SRBD1: variants seen among roughly 807,000 people sequenced by gnomAD.
The protein encoded by SRBD1 is S1 RNA-binding domain-containing protein 1.
SRBD1 carries 88 observed loss-of-function variants against 115.3 expected under a neutral mutation model. The ratio of observed to expected loss-of-function variants is 0.76; its 90% CI spans 0.64 to 0.91. The LOEUF is 0.91. Ranked by LOEUF, SRBD1 falls within the 40% of genes least tolerant of loss-of-function variation. SRBD1 has a pLI of 0.00. For synonymous variants in SRBD1, 509 were observed against 407.7 expected (o/e 1.25, Z -2.99); for missense variants, 1,385 against 1,177.4 (o/e 1.18, Z -2.58).
intron 17 of SRBD1, 98 bp from the exon 18 acceptor site, chr2:45,418,639 C>T: frequency 7.9e-6 from 8 of 1,016,924 alleles, no homozygotes; most frequent in Non-Finnish European, 1.1e-5. Flanking sequence ...ATGACATATC[C>T]TCATACGGCT....
At chr2:45,511,692 C>A (rs776665211) in intron 14 of SRBD1, among the ~76,000 whole-genome samples, 8 of 152,112 alleles carry the variant, frequency 5.3e-5, no homozygotes, top group Non-Finnish European at 1.2e-4. Context: ...TATTCCCATG[C>A]ATATATTCCT....
intron 2 of SRBD1, among the ~76,000 whole-genome samples, chr2:45,602,996 C>CA (rs961031654): frequency 6.6e-6 from 1 of 151,936 alleles, no homozygotes; most frequent in African/African-American, 2.4e-5. Flanking sequence ...AACAATCAAA[C>CA]AAAAAACAGG....
intron 7 of SRBD1, among the ~76,000 whole-genome samples, chr2:45,578,640 C>A (rs1673250448): frequency 6.6e-6 from 1 of 152,074 alleles, no homozygotes; most frequent in East Asian, 1.9e-4. Context: ...CTGCCCCCTA[C>A]AGACATTTAC....
At chr2:45,556,258 A>C (rs977802588) in intron 10 of SRBD1, among the ~76,000 whole-genome samples, 1 of 152,086 alleles carries the variant, frequency 6.6e-6, no homozygotes, top group Non-Finnish European at 1.5e-5. Flanking sequence ...TACTCCATTG[A>C]AAAAAGGCAT....
At chr2:45,610,740 A>G (rs1674420035) in intron 1 of SRBD1, among the ~76,000 whole-genome samples, 1 of 152,074 alleles carries the variant, frequency 6.6e-6, no homozygotes, top group South Asian at 2.1e-4. Flanking sequence ...TTCCTCTCCC[A>G]CCTCCGATAA....
At chr2:45,392,727 T>C (rs765411037) in intron 20 of SRBD1, among the ~76,000 whole-genome samples, 5 of 152,218 alleles carry the variant, frequency 3.3e-5, no homozygotes, top group Non-Finnish European at 5.9e-5. Context: ...AAATACACAG[T>C]GAACAAGGGG....
chr2:45,604,751 C>T (rs944669831), intron 2 of SRBD1, among the ~76,000 whole-genome samples: 2 of 152,156 alleles, frequency 1.3e-5, no homozygotes, highest in African/African-American at 4.8e-5. Flanking sequence ...AAATGCCCCC[C>T]GACTGCAACC....
intron 10 of SRBD1, among the ~76,000 whole-genome samples, chr2:45,554,372 G>A (rs940407152): frequency 3.3e-5 from 5 of 152,210 alleles, no homozygotes; most frequent in African/African-American, 4.8e-5. Flanking sequence ...CACATAGTCT[G>A]TGGTATTTTG....
chr2:45,531,281 T>A (rs1284684240), intron 14 of SRBD1, among the ~76,000 whole-genome samples: 1 of 151,718 alleles, frequency 6.6e-6, no homozygotes, highest in African/African-American at 2.4e-5. Context: ...CGTATATAAA[T>A]AAAAAGATAA....
chr2:45,586,999 T>A (rs373552832), intron 4 of SRBD1, among the ~76,000 whole-genome samples: 5 of 61,742 alleles, frequency 8.1e-5, no homozygotes, highest in African/African-American at 1.6e-4. Flanking sequence ...TTTTAAATAT[T>A]TAATTATTTT....
intron 14 of SRBD1, among the ~76,000 whole-genome samples, chr2:45,540,271 G>T (rs866228632): frequency 2.0e-5 from 3 of 151,864 alleles, no homozygotes; most frequent in Non-Finnish European, 4.4e-5. Context: ...AACCCAGGAG[G>T]CAGAGGCTGC....
At chr2:45,543,450 T>G (rs1030477788) in intron 14 of SRBD1, among the ~76,000 whole-genome samples, 2 of 152,128 alleles carry the variant, frequency 1.3e-5, no homozygotes, top group Non-Finnish European at 2.9e-5. Context: ...AAGGAACAGA[T>G]AAGAGGAAAT....
At chr2:45,531,914 A>C (rs573011917) in intron 14 of SRBD1, among the ~76,000 whole-genome samples, 1 of 151,962 alleles carries the variant, frequency 6.6e-6, no homozygotes, top group Admixed American at 6.6e-5. Context: ...TCTGAATAAG[A>C]TACTGACACT....
At position 45,418,461 on chromosome 2, in the gene SRBD1, T is replaced by A. The variant is rs752172941; in HGVS notation, c.2237A>T (p.Glu746Val). The change falls in exon 18 of 21, where the codon GAA becomes GTA. Residue 746 changes from glutamate to valine, a missense_variant. By Grantham distance (121) the Glu-to-Val change is moderately radical (BLOSUM62 -2). Transcript: ENST00000263736. ...REKNGPFINR[E>V]QLKKVKGLGP... is the part of the protein sequence containing the mutation. Reference sequence around the variant, plus strand: ...CAGCCCTTTCACTTTCTTCAGCTGTTCTCGGTTGATAAAGGGTCCATTTTT... The same window carrying A: ...CAGCCCTTTCACTTTCTTCAGCTGTACTCGGTTGATAAAGGGTCCATTTTT... The A allele has an allele frequency of 2.5e-6, 4 of 1,613,936 alleles. No homozygotes were observed. The highest frequency in any genetic ancestry group is 3.4e-6 in the Non-Finnish European group (4 of 1,179,996).
intron 4 of SRBD1, among the ~76,000 whole-genome samples, chr2:45,597,570 C>T (rs996678667): frequency 3.9e-5 from 6 of 152,106 alleles, no homozygotes; most frequent in African/African-American, 1.2e-4. Flanking sequence ...AAAATAATAA[C>T]TCAAACAGAG....
At chr2:45,519,627 G>C (rs1671221076) in intron 14 of SRBD1, among the ~76,000 whole-genome samples, 1 of 152,058 alleles carries the variant, frequency 6.6e-6, no homozygotes, top group African/African-American at 2.4e-5. Flanking sequence ...TGCAGTGTTT[G>C]GTGGTTCAAA....
chr2:45,573,862 A>C (rs1673095239), intron 8 of SRBD1, among the ~76,000 whole-genome samples: 2 of 152,198 alleles, frequency 1.3e-5, no homozygotes, highest in South Asian at 4.1e-4. Flanking sequence ...CACTGAGAAA[A>C]TACAAAAGTT....
chr2:45,585,043 G>A (rs566754145), intron 5 of SRBD1, among the ~76,000 whole-genome samples: 10 of 152,094 alleles, frequency 6.6e-5, no homozygotes, highest in African/African-American at 1.4e-4. Flanking sequence ...TCAGCTACTC[G>A]GGAGGCTGAG....
Position 45,413,405 on chromosome 2 carries a change from C to G in SRBD1, c.2334-112G>C, listed in dbSNP as rs527449713. On this transcript the variant is annotated intron_variant, in intron 18 of 20. Transcript: ENST00000263736. ...TCATACAAATATGCGAAAACAGCAACCAGATTTTGACCTTTTACTTCATAG... is the reference window on the plus strand; with the variant it reads ...TCATACAAATATGCGAAAACAGCAAGCAGATTTTGACCTTTTACTTCATAG... The G allele has an allele frequency of 2.2e-4, 272 of 1,263,828 alleles. 3 individuals are homozygous for G. In the South Asian group the frequency reaches 3.9e-3, roughly 18 times the overall value. 78.3% of individuals were successfully genotyped at this position (1,263,828 alleles called of 1,614,324 possible).
Sources: gnomAD v4.1 joint callset for allele counts (sites outside exome capture counted in the v4.1 genomes callset) on GRCh38, gnomAD v4.1.1 for gene constraint, MANE v1.5 for transcripts, NCBI Gene and HGNC (gene_info 2026-07-23, HGNC 2026-07-21) for gene names.